Variants in SATB1 observed in about 807,000 individuals in gnomAD.
The protein encoded by SATB1 is DNA-binding protein SATB1.
A neutral mutation model predicts 86.9 loss-of-function variants in SATB1; 11 were observed. That is an observed-to-expected ratio of 0.13 (90% CI 0.08 to 0.21). The LOEUF is 0.21. SATB1 is among the 10% of genes least tolerant of loss of function. The pLI, the probability that SATB1 is intolerant of heterozygous loss-of-function variation, is 1.00. For missense variants in SATB1, 551 were observed against 937.6 expected (o/e 0.59, Z 5.39); for synonymous variants, 357 against 357.2 (o/e 1.00, Z 0.01).
intron 9 of SATB1, among the ~76,000 whole-genome samples, chr3:18,362,610 C>T (rs1694956627): frequency 6.6e-6 from 1 of 151,558 alleles, no homozygotes; most frequent in South Asian, 2.1e-4. Context: ...CAGGACAGCA[C>T]CATAAAAAAC....
At chr3:18,415,880 T>A (rs986983925) in intron 4 of SATB1, 127 bp downstream of exon 4, 39 of 742,682 alleles carry the variant, frequency 5.3e-5, no homozygotes, top group Non-Finnish European at 7.0e-5. Context: ...GGTAACAAAA[T>A]CGATCTGTAT....
intron 5 of SATB1, among the ~76,000 whole-genome samples, chr3:18,403,770 G>A (rs964979740): frequency 4.6e-5 from 7 of 151,964 alleles, no homozygotes; most frequent in African/African-American, 7.2e-5. Context: ...TATTAATGGC[G>A]CAAAGGCATT....
At position 18,349,923 on chromosome 3, in the gene SATB1, G is replaced by T; in HGVS notation, c.1780-241C>A. ...GGGGGGCTACTGCACTTACTTATCA[G>T]AGATCAGCAGAGGAAGTGAAAACTC... On this transcript the variant is annotated intron_variant, in intron 10 of 10. Transcript: ENST00000338745. The surrounding 1 kb of genome is among the most constrained non-coding windows in gnomAD (Gnocchi z 5.5). 1 of 571,768 alleles carries T rather than the reference G, an allele frequency of 1.7e-6. No homozygotes were observed. The highest frequency in any genetic ancestry group is 2.9e-6 in the Non-Finnish European group (1 of 350,674). The allele number at this position is 571,768 out of a possible 1,614,324, so 35.4% of individuals were successfully genotyped here. A position where few individuals can be genotyped will look rare whatever the true frequency, so the allele number is the denominator to read the frequency against.
chr3:18,444,501 GGAGTGGGTGCTAC>G lies in SATB1; in HGVS notation c.-25+1004_-25+1016del. The stretch of plus-strand genomic sequence containing the variant: ...GCCCAGCCGCCCCAATAGGGGACGA[GGAGTGGGTGCTAC>G]GGAGAAGTTTGGATTGATTCCGGAA... On this transcript the variant is annotated intron_variant, in intron 1 of 3. Coordinates refer to the SATB1 transcript ENST00000415069. The surrounding 1 kb of genome is among the most constrained non-coding windows in gnomAD (Gnocchi z 5.1). 1 of 830,584 alleles carries G rather than the reference GGAGTGGGTGCTAC, an allele frequency of 1.2e-6. No individual in the cohort carries two copies. The highest frequency in any genetic ancestry group is 1.8e-5 in the African/African-American group (1 of 54,212). 51.5% of individuals were successfully genotyped at this position (830,584 alleles called of 1,614,324 possible). A position where few individuals can be genotyped will look rare whatever the true frequency, so the allele number is the denominator to read the frequency against.
chr3:18,425,732 A>G (rs1050971782), upstream of SATB1, among the ~76,000 whole-genome samples: 3 of 149,848 alleles, frequency 2.0e-5, no homozygotes, highest in South Asian at 6.3e-4. Context: ...GGGGAGGAGG[A>G]GAGGGGGCTT....
chr3:18,364,075 T>C (rs1430723134), intron 9 of SATB1, among the ~76,000 whole-genome samples: 1 of 152,144 alleles, frequency 6.6e-6, no homozygotes, highest in Admixed American at 6.5e-5. Flanking sequence ...AAACAAAAAG[T>C]AAATGTTTCT....
upstream of SATB1, among the ~76,000 whole-genome samples, chr3:18,426,050 A>G (rs910807653): frequency 1.1e-4 from 16 of 151,944 alleles, no homozygotes; most frequent in Non-Finnish European, 1.9e-4. The surrounding 1 kb of genome is among the most constrained non-coding windows in gnomAD (Gnocchi z 4.2). Flanking sequence ...GCGCTGAGGA[A>G]TGAGGTAGGG....
intron 7 of SATB1, among the ~76,000 whole-genome samples, chr3:18,388,316 T>C (rs367693983): frequency 4.6e-5 from 7 of 152,114 alleles, no homozygotes; most frequent in Non-Finnish European, 8.8e-5. Flanking sequence ...AAGTAAAACA[T>C]TCAGGTCTCA....
Position 18,444,788 on chromosome 3 carries a change from G to GCAA in SATB1, c.-25+729_-25+730insTTG. 1 of 333,460 alleles carries GCAA rather than the reference G, an allele frequency of 3.0e-6. No individual in the cohort carries two copies. The highest frequency in any genetic ancestry group is 4.3e-6 in the Non-Finnish European group (1 of 234,736). The allele number at this position is 333,460 out of a possible 1,614,324, so 20.7% of individuals were successfully genotyped here. On this transcript the variant is annotated intron_variant, in intron 1 of 3. Coordinates refer to the SATB1 transcript ENST00000415069. This position sits in a 1 kb window ranked among gnomAD's most constrained non-coding sequence, Gnocchi z 5.1. ...GTTAATTGCAACTTGACTTCAAGTT[G>GCAA]TCCTCTTTCCCCATACGAAGTGGGC... is the stretch of plus-strand genomic sequence containing the variant.
intron 2 of SATB1, among the ~76,000 whole-genome samples, chr3:18,431,847 A>C (rs951327886): frequency 6.6e-6 from 1 of 152,180 alleles, no homozygotes; most frequent in African/African-American, 2.4e-5. Context: ...GATTTGGCAA[A>C]TAAATACATG....
rs984745677 is a variant in SATB1, at chr3:18,349,723, G to T, written c.1780-41C>A. ...GAGACAATCAGAGCTCTGCTATCGT[G>T]GAGTTCCACACAAAGCCGTCTCCAA... On this transcript the variant is annotated intron_variant, in intron 10 of 10. Transcript: ENST00000338745. The surrounding 1 kb of genome is among the most constrained non-coding windows in gnomAD (Gnocchi z 5.5). 1.3e-6 allele frequency: 2 copies of T among 1,549,578 alleles called. No homozygotes were observed. Among genetic ancestry groups the T allele is most frequent in the Admixed American group, 2.0e-5 (1 of 51,154 alleles).
chr3:18,427,064 TAAAC>T (rs776916459), upstream of SATB1, among the ~76,000 whole-genome samples: 48 of 152,290 alleles, frequency 3.2e-4, no homozygotes, highest in Non-Finnish European at 5.4e-4. Context: ...GAACATGTGA[TAAAC>T]AGAAAACACA....
Position 18,444,544 on chromosome 3 carries a change from AG to A in SATB1, c.-25+973del. On this transcript the variant is annotated intron_variant, in intron 1 of 3. Transcript: ENST00000415069. The surrounding 1 kb of genome is among the most constrained non-coding windows in gnomAD (Gnocchi z 5.1). The stretch of plus-strand genomic sequence containing the variant: ...AAGTTTGGATTGATTCCGGAAAAAG[AG>A]GGACAGAGATAAAACAGCAAGAGTA... The A allele has an allele frequency of 1.0e-6, 1 of 974,742 alleles. No individual in the cohort carries two copies. The highest frequency in any genetic ancestry group is 1.2e-6 in the Non-Finnish European group (1 of 820,194). 60.4% of individuals were successfully genotyped at this position (974,742 alleles called of 1,614,324 possible). A position where few individuals can be genotyped will look rare whatever the true frequency, so the allele number is the denominator to read the frequency against.
In SATB1 at chr3:18,346,136, G is replaced by T. The variant is rs1694044834; in HGVS notation, c.*3034C>A. 6.6e-6 allele frequency: 1 copy of T among 152,006 alleles called. No individual in the cohort carries two copies. The highest frequency in any genetic ancestry group is 2.4e-5 in the African/African-American group (1 of 41,404). The allele number at this position is 152,006 out of a possible 1,614,324, so 9.4% of individuals were successfully genotyped here. A position where few individuals can be genotyped will look rare whatever the true frequency, so the allele number is the denominator to read the frequency against. Reference sequence around the variant, plus strand: ...CTAGGACATACATATTAGTTACCTTGGTTTTCAAAGGTTGTCAACTCTGCA... The same window carrying T: ...CTAGGACATACATATTAGTTACCTTTGTTTTCAAAGGTTGTCAACTCTGCA... On this transcript the variant is annotated 3_prime_UTR_variant, in exon 11 of 11. Transcript: ENST00000338745.
chr3:18,413,506 T>C (rs1035508021), intron 5 of SATB1, among the ~76,000 whole-genome samples: 11 of 152,136 alleles, frequency 7.2e-5, no homozygotes, highest in Admixed American at 3.9e-4. Flanking sequence ...TTCTAGATCA[T>C]TTCAAATTTT....
chr3:18,362,077 G>C (rs1307548247), intron 9 of SATB1, among the ~76,000 whole-genome samples: 1 of 151,970 alleles, frequency 6.6e-6, no homozygotes, highest in Non-Finnish European at 1.5e-5. Context: ...TTTCTTGTCT[G>C]TCTCTTCCAT....
At chr3:18,420,509 T>C (rs993517268) in intron 2 of SATB1, among the ~76,000 whole-genome samples, 1 of 152,178 alleles carries the variant, frequency 6.6e-6, no homozygotes, top group Non-Finnish European at 1.5e-5. Flanking sequence ...CCATTATATT[T>C]AATTCAGTCC....
intron 2 of SATB1, chr3:18,417,397 G>T: frequency 3.6e-6 from 2 of 558,548 alleles, no homozygotes; most frequent in Non-Finnish European, 6.3e-6. Flanking sequence ...TGACGAAAGA[G>T]AAATAAATGT....
intron 9 of SATB1, among the ~76,000 whole-genome samples, chr3:18,371,078 G>A (rs1695457799): frequency 2.6e-5 from 4 of 152,174 alleles, no homozygotes. Flanking sequence ...CGAAATCAGA[G>A]GCACTGAGGC....
Sources: gnomAD v4.1 joint callset for allele counts (sites outside exome capture counted in the v4.1 genomes callset) on GRCh38, gnomAD v4.1.1 for gene constraint, Gnocchi (gnomAD v3.1) non-coding constraint, MANE v1.5 for transcripts, NCBI Gene and HGNC (gene_info 2026-07-23, HGNC 2026-07-21) for gene names.